The following SNX30 variants were observed in gnomAD, a reference collection of about 807,000 sequenced individuals.
SNX30 encodes sorting nexin family member 30.
A neutral mutation model predicts 46.4 loss-of-function variants in SNX30; 24 were observed. The ratio of observed to expected loss-of-function variants is 0.52; its 90% CI spans 0.37 to 0.73. SNX30 has a LOEUF of 0.73. Ranked by LOEUF, SNX30 falls within the 30% of genes least tolerant of loss-of-function variation. The probability of loss-of-function intolerance (pLI) is 0.00; values close to 1 mark genes in which losing one functional copy is unlikely to be tolerated. For synonymous variants in SNX30, 189 were observed against 211.5 expected, an observed-to-expected ratio of 0.89 and a Z score of 0.92; for missense variants, 533 against 555.7, an observed-to-expected ratio of 0.96 and a Z score of 0.41.
At chr9:112,814,343 C>T (rs994829671) in intron 2 of SNX30, among the ~76,000 whole-genome samples, 10 of 152,160 alleles carry the variant, frequency 6.6e-5, no homozygotes, top group Admixed American at 2.0e-4. Context: ...CAGGCTCAAG[C>T]GATCCTCCCA....
chr9:112,771,333 A>G (rs982978191), intron 1 of SNX30, among the ~76,000 whole-genome samples: 12 of 152,362 alleles, frequency 7.9e-5, no homozygotes, highest in African/African-American at 2.9e-4. Context: ...AAAAGCTTAT[A>G]TGGCTATTAG....
intron 2 of SNX30, among the ~76,000 whole-genome samples, chr9:112,815,729 A>G (rs947274884): frequency 1.3e-5 from 2 of 152,270 alleles, no homozygotes; most frequent in Non-Finnish European, 2.9e-5. Context: ...AATGAAAACC[A>G]GTTGCTTTAA....
In SNX30 at chr9:112,874,561, A is replaced by G. The variant is rs2131527658; in HGVS notation, c.*5718A>G. 6.6e-6 allele frequency: 1 copy of G among 152,326 alleles called. No individual in the cohort carries two copies. Among genetic ancestry groups the G allele is most frequent in the African/African-American group, 2.4e-5 (1 of 41,568 alleles). 9.4% of individuals were successfully genotyped at this position (152,326 alleles called of 1,614,324 possible). A position where few individuals can be genotyped will look rare whatever the true frequency, so the allele number is the denominator to read the frequency against. ...ACCTTCTGAGGTATTGATGTAGTCC[A>G]CCGTGTAAATGTTACCTTCTCTCCA... On this transcript the variant is annotated 3_prime_UTR_variant, in exon 9 of 9. Coordinates refer to ENST00000374232, the MANE Select transcript of SNX30 (RefSeq NM_001012994.2).
intron 3 of SNX30, among the ~76,000 whole-genome samples, chr9:112,827,204 C>T (rs1023442164): frequency 6.6e-6 from 1 of 152,200 alleles, no homozygotes; most frequent in African/African-American, 2.4e-5. Context: ...GCCAGTCTTA[C>T]AACAAAGACA....
At chr9:112,868,646 T>C (rs1178558186) in intron 8 of SNX30, 138 bp from the exon 9 acceptor site, 10 of 813,204 alleles carry the variant, frequency 1.2e-5, no homozygotes, top group African/African-American at 1.2e-4. Flanking sequence ...GTAATAGTTA[T>C]GGATGACACA....
intron 2 of SNX30, among the ~76,000 whole-genome samples, chr9:112,814,510 AGATTATAG>A (rs1840367613): frequency 6.6e-6 from 1 of 152,106 alleles, no homozygotes; most frequent in African/African-American, 2.4e-5. Flanking sequence ...CAAAGTGCTA[AGATTATAG>A]GCATGAGCCA....
chr9:112,761,913 AG>A (rs1839442852), intron 1 of SNX30, among the ~76,000 whole-genome samples: 1 of 152,070 alleles, frequency 6.6e-6, no homozygotes, highest in South Asian at 2.1e-4. Context: ...GAGAGGTTTG[AG>A]GTCAGAATTT....
chr9:112,782,481 G>C (rs1401026492), intron 1 of SNX30, among the ~76,000 whole-genome samples: 17 of 152,214 alleles, frequency 1.1e-4, no homozygotes, highest in Non-Finnish European at 1.8e-4. Context: ...GCCACAGACT[G>C]TTCCTTAACA....
At chr9:112,847,365 G>A (rs900572886) in intron 6 of SNX30, among the ~76,000 whole-genome samples, 12 of 151,660 alleles carry the variant, frequency 7.9e-5, no homozygotes, top group African/African-American at 2.7e-4. Flanking sequence ...CTCCCACCCT[G>A]TGGTTTAATT....
intron 1 of SNX30, among the ~76,000 whole-genome samples, chr9:112,751,442 C>T (rs1035292776): frequency 6.6e-6 from 1 of 152,192 alleles, no homozygotes; most frequent in Non-Finnish European, 1.5e-5. Context: ...GGCGTGTGTT[C>T]AGGGCAGGGC....
In SNX30 at chr9:112,860,713, T is replaced by G. The variant is rs541913860; in HGVS notation, c.1102-3534T>G. ...ATGAAATCTCAGGGTGGAGTAGCAT[T>G]GGCAAAGGGTGGCATAATGTTTGGG... On this transcript the variant is annotated intron_variant, in intron 7 of 8. Transcript: ENST00000374232. Among the ~76,000 whole-genome samples the G allele has an allele frequency of 1.2e-4, 19 of 152,334 alleles. No homozygotes were observed. The South Asian group carries it at 3.9e-3, about 32-fold the overall frequency.
At chr9:112,815,175 G>GA (rs1049803401) in intron 2 of SNX30, among the ~76,000 whole-genome samples, 95 of 142,236 alleles carry the variant, frequency 6.7e-4, no homozygotes, top group East Asian at 2.0e-3. Context: ...TAAATAGAAG[G>GA]AAAAAAAAAA....
At chr9:112,875,572 T>C (rs1483732240), downstream of SNX30, among the ~76,000 whole-genome samples, 1 of 152,188 alleles carries the variant, frequency 6.6e-6, no homozygotes, top group African/African-American at 2.4e-5. Flanking sequence ...TTACGATCTT[T>C]GAGATGAAAA....
intron 4 of SNX30, among the ~76,000 whole-genome samples, chr9:112,834,110 G>A (rs885387): frequency 0.94 from 140,787 of 150,340 alleles, 65,960 homozygotes; most frequent in East Asian, 1. Flanking sequence ...CTGCTCTCAG[G>A]CAACAACAGT....
intron 1 of SNX30, among the ~76,000 whole-genome samples, chr9:112,768,647 C>CTTCTTCTTTTTTTTT (rs1554748345): frequency 6.2e-5 from 4 of 64,358 alleles, no homozygotes; most frequent in African/African-American, 1.6e-4. Context: ...ATTCTTTCTT[C>CTTCTTCTTTTTTTTT]TTTTTTTTTT....
Position 112,869,635 on chromosome 9 carries a change from T to G in SNX30, c.*792T>G, listed in dbSNP as rs1362553193. 1 of 150,372 alleles carries G rather than the reference T, an allele frequency of 6.7e-6. No homozygotes were observed. The highest frequency in any genetic ancestry group is 3.2e-3 in the Middle Eastern group (1 of 314). 9.3% of individuals were successfully genotyped at this position (150,372 alleles called of 1,614,324 possible). On this transcript the variant is annotated 3_prime_UTR_variant, in exon 9 of 9. Coordinates refer to ENST00000374232, the MANE Select transcript of SNX30 (RefSeq NM_001012994.2). The stretch of plus-strand genomic sequence containing the variant: ...AGTGCTGGTTTTTTTTTTTTTTCTG[T>G]GAAGGTCTTCAGTGTTTTGCTTGTT...
At chr9:112,832,752 T>C (rs1054209557) in intron 4 of SNX30, among the ~76,000 whole-genome samples, 1 of 148,350 alleles carries the variant, frequency 6.7e-6, no homozygotes, top group African/African-American at 2.5e-5. Flanking sequence ...GTTGTGCACA[T>C]GTACCCTAAA....
At chr9:112,807,507 C>T (rs1448992562) in intron 2 of SNX30, among the ~76,000 whole-genome samples, 2 of 152,202 alleles carry the variant, frequency 1.3e-5, no homozygotes, top group Non-Finnish European at 2.9e-5. Context: ...ATTATTTCCT[C>T]AGAGGACCTA....
Position 112,751,461 on chromosome 9 carries a change from C to T in SNX30, c.156+304C>T, listed in dbSNP as rs530526127. Among the ~76,000 whole-genome samples the T allele has an allele frequency of 4.6e-5, 7 of 152,286 alleles. No individual in the cohort carries two copies. The South Asian group carries it at 1.4e-3, about 32-fold the overall frequency. ...TGTGTTCAGGGCAGGGCGCCTGTGT[C>T]CTCGGATGGGGTTCCGAGTTCCTCC... is the stretch of plus-strand genomic sequence containing the variant. On this transcript the variant is annotated intron_variant, in intron 1 of 8. Transcript: ENST00000374232.
Sources: gnomAD v4.1 joint callset for allele counts (sites outside exome capture counted in the v4.1 genomes callset) on GRCh38, gnomAD v4.1.1 for gene constraint, MANE v1.5 for transcripts, NCBI Gene and HGNC (gene_info 2026-07-23, HGNC 2026-07-21) for gene names.